The following ZFHX3 variants were observed in gnomAD, a reference collection of about 807,000 sequenced individuals.
The protein encoded by ZFHX3 is zinc finger homeobox protein 3.
Under a neutral mutation model 279.1 loss-of-function variants are expected in ZFHX3, and 42 were observed. That is an observed-to-expected ratio of 0.15 (90% CI 0.12 to 0.19). The LOEUF (loss-of-function observed/expected upper bound fraction) is 0.19, where lower values mean the gene tolerates loss of function less well. Among genes scored for constraint, ZFHX3 ranks in the 10% least tolerant of loss-of-function variants. The pLI is 1.00. For synonymous variants in ZFHX3, 2,293 were observed against 1,957.8 expected (o/e 1.17, Z -4.52); for missense variants, 4,981 against 4,754.0 (o/e 1.05, Z -1.40).
intron 2 of ZFHX3, among the ~76,000 whole-genome samples, chr16:73,493,793 C>T (rs546940284): frequency 3.9e-5 from 6 of 152,184 alleles, no homozygotes; most frequent in African/African-American, 7.2e-5. Flanking sequence ...CATGCACACA[C>T]GGTTGACCCT....
At chr16:73,746,847 T>C (rs988387259) in intron 1 of ZFHX3, among the ~76,000 whole-genome samples, 101 of 152,344 alleles carry the variant, frequency 6.6e-4, no homozygotes, top group African/African-American at 2.3e-3. Context: ...ACTTTCCTAC[T>C]ATTAAGAGAC....
intron 2 of ZFHX3, among the ~76,000 whole-genome samples, chr16:73,474,650 G>A (rs2018733847): frequency 6.6e-6 from 1 of 152,100 alleles, no homozygotes; most frequent in Non-Finnish European, 1.5e-5. Flanking sequence ...ACAAGCAGAT[G>A]CTCCTCTGGG....
chr16:72,967,959 G>T (rs1274617642), intron 1 of ZFHX3, among the ~76,000 whole-genome samples: 1 of 148,532 alleles, frequency 6.7e-6, no homozygotes, highest in Non-Finnish European at 1.5e-5. Flanking sequence ...ATACTAACAG[G>T]ATATTTACAA....
At position 73,067,215 on chromosome 16, in the gene ZFHX3, G is replaced by A. The variant is rs1965766218; in HGVS notation, c.-532-8203C>T. ...TGTCTGGGAAGAAAAAAGAAAGCGG[G>A]CAGATTTGAGCCGACCCCTCTTTCC... On this transcript the variant is annotated intron_variant, in intron 8 of 17. Transcript: ENST00000641206. 2.6e-5 allele frequency among the ~76,000 whole-genome samples: 4 copies of A among 152,306 alleles called. No homozygotes were observed. The South Asian group carries it at 8.3e-4, about 32-fold the overall frequency.
chr16:73,847,006 A>G (rs1403637871), intron 1 of ZFHX3, among the ~76,000 whole-genome samples: 1 of 152,170 alleles, frequency 6.6e-6, no homozygotes, highest in Non-Finnish European at 1.5e-5. Context: ...GCAGGGCTTT[A>G]AAAGCCCTTA....
In ZFHX3 at chr16:73,604,873, C is replaced by T. The variant is rs751061341; in HGVS notation, c.-1547+75307G>A. Among the ~76,000 whole-genome samples, 4 of 152,044 alleles carry T rather than the reference C, an allele frequency of 2.6e-5. No homozygotes were observed. In the East Asian group the frequency reaches 5.8e-4, roughly 22 times the overall value. The stretch of plus-strand genomic sequence containing the variant: ...CCAGTTTTGGTCACGATGTCTGGAC[C>T]TTTTTTTCAATCTCTACTGGGGTAG... On this transcript the variant is annotated intron_variant, in intron 2 of 17. Transcript: ENST00000641206.
intron 3 of ZFHX3, among the ~76,000 whole-genome samples, chr16:72,892,753 C>T (rs910088869): frequency 3.3e-5 from 5 of 152,172 alleles, no homozygotes; most frequent in Non-Finnish European, 7.4e-5. Context: ...AGCGATCCAC[C>T]CGCCTCAGTC....
chr16:73,767,401 G>T (rs2053962444), intron 1 of ZFHX3, among the ~76,000 whole-genome samples: 1 of 152,158 alleles, frequency 6.6e-6, no homozygotes, highest in African/African-American at 2.4e-5. Flanking sequence ...AAGTGATGAG[G>T]ACCGCAGGTA....
At chr16:73,288,613 C>T (rs1378397178) in intron 4 of ZFHX3, among the ~76,000 whole-genome samples, 2 of 152,156 alleles carry the variant, frequency 1.3e-5, no homozygotes, top group Non-Finnish European at 1.5e-5. Context: ...ATTTCTTTAA[C>T]GTTCCTGTTA....
chr16:73,663,797 T>A (rs2052808930), intron 2 of ZFHX3, among the ~76,000 whole-genome samples: 1 of 152,154 alleles, frequency 6.6e-6, no homozygotes, highest in African/African-American at 2.4e-5. Flanking sequence ...GTGCTAAGAA[T>A]CCACTATCTC....
intron 2 of ZFHX3, among the ~76,000 whole-genome samples, chr16:73,560,523 T>G (rs2020354025): frequency 6.6e-6 from 1 of 152,204 alleles, no homozygotes; most frequent in Admixed American, 6.5e-5. Context: ...AAGTTGGTAC[T>G]TCATAAAGCC....
At position 72,793,169 on chromosome 16, in the gene ZFHX3, TCA is replaced by T; in HGVS notation, c.9427+84_9427+85del. The T allele has an allele frequency of 6.6e-7, 1 of 1,518,230 alleles. No homozygotes were observed. Among genetic ancestry groups the T allele is most frequent in the African/African-American group, 1.4e-5 (1 of 71,834 alleles). 94.0% of individuals were successfully genotyped at this position (1,518,230 alleles called of 1,614,324 possible). A position where few individuals can be genotyped will look rare whatever the true frequency, so the allele number is the denominator to read the frequency against. On this transcript the variant is annotated intron_variant, in intron 9 of 9. Transcript: ENST00000268489. The surrounding 1 kb of genome is among the most constrained non-coding windows in gnomAD (Gnocchi z 4.3). ...GGTAAGCTTCCCATCTGCCCAGCAC[TCA>T]GAGGGTTTGGGTGGTATCCACATAA... is the stretch of plus-strand genomic sequence containing the variant.
chr16:73,421,618 A>T (rs1232980140), intron 3 of ZFHX3, among the ~76,000 whole-genome samples: 1 of 152,216 alleles, frequency 6.6e-6, no homozygotes, highest in East Asian at 1.9e-4. Flanking sequence ...AAAAAAGACA[A>T]GAAATTCTAG....
chr16:73,416,736 C>CTT (rs1323360849), intron 3 of ZFHX3, among the ~76,000 whole-genome samples: 1 of 148,874 alleles, frequency 6.7e-6, no homozygotes, highest in African/African-American at 2.4e-5. Flanking sequence ...TAGCCGGGTG[C>CTT]GGTGGCGGGC....
intron 3 of ZFHX3, among the ~76,000 whole-genome samples, chr16:73,415,626 C>T (rs950313052): frequency 5.9e-5 from 9 of 152,206 alleles, no homozygotes; most frequent in African/African-American, 2.2e-4. Context: ...ATGTCAGTAT[C>T]CCCAGTGCTT....
intron 2 of ZFHX3, among the ~76,000 whole-genome samples, chr16:73,567,304 T>C (rs1416563252): frequency 6.6e-6 from 1 of 152,226 alleles, no homozygotes; most frequent in Non-Finnish European, 1.5e-5. Context: ...GCTAAGATTC[T>C]AGGTAGACAT....
intron 2 of ZFHX3, among the ~76,000 whole-genome samples, chr16:73,545,033 C>A (rs1471062161): frequency 6.6e-6 from 1 of 152,088 alleles, no homozygotes; most frequent in Admixed American, 6.5e-5. Flanking sequence ...GGATCTTACA[C>A]GAGGCCCCTC....
chr16:73,204,118 A>G (rs1190001805), intron 5 of ZFHX3, among the ~76,000 whole-genome samples: 1 of 151,908 alleles, frequency 6.6e-6, no homozygotes, highest in Non-Finnish European at 1.5e-5. Context: ...GGTTTTCTCC[A>G]CTGCAGTGGT....
chr16:72,877,310 C>T (rs538770752), intron 4 of ZFHX3, among the ~76,000 whole-genome samples: 1 of 152,156 alleles, frequency 6.6e-6, no homozygotes, highest in Non-Finnish European at 1.5e-5. Flanking sequence ...GGACTCGCAG[C>T]GCTGGGGCCA....
Sources: allele counts gnomAD v4.1 joint callset (sites outside exome capture counted in the v4.1 genomes callset), GRCh38; gene constraint gnomAD v4.1.1; non-coding constraint Gnocchi (gnomAD v3.1); transcripts MANE v1.5; gene names NCBI Gene and HGNC (gene_info 2026-07-23, HGNC 2026-07-21).